The following SIPA1L3 variants were observed in gnomAD, a reference collection of about 807,000 sequenced individuals.
SIPA1L3 encodes signal induced proliferation associated 1 like 3, also known as signal-induced proliferation-associated 1-like protein 3.
In SIPA1L3, 59 loss-of-function variants were observed where a neutral mutation model predicts 150.1. The ratio of observed to expected loss-of-function variants is 0.39; its 90% confidence interval spans 0.32 to 0.49. The LOEUF is 0.49. Ranked by LOEUF, SIPA1L3 falls within the 20% of genes least tolerant of loss-of-function variation. The pLI is 0.86. For missense variants in SIPA1L3, 2,211 were observed against 2,489.5 expected, an observed-to-expected ratio of 0.89 and a Z score of 2.38; for synonymous variants, 1,070 against 1,077.6, an observed-to-expected ratio of 0.99 and a Z score of 0.14.
chr19:38,082,042 C>T lies in SIPA1L3; in HGVS notation c.477C>T (p.Pro159=), dbSNP rs1024109508. The T allele has an allele frequency of 3.1e-6, 5 of 1,613,968 alleles. No homozygotes were observed. The highest frequency in any genetic ancestry group is 2.2e-5 in the East Asian group (1 of 44,878). ...VEFQDGWPRS[P]GRAFLPLRHR... is the part of the protein sequence containing the mutation. ...TCCAGGACGGGTGGCCCCGGTCCCC[C>T]GGCAGGGCCTTCCTCCCCCTTCGGC... The change falls in exon 3 of 22, where the codon CCC becomes CCT. Residue 159 remains proline (P), a synonymous_variant. Transcript: ENST00000222345.
intron 1 of SIPA1L3, among the ~76,000 whole-genome samples, chr19:37,918,490 C>T (rs563089224): frequency 2.0e-5 from 3 of 152,032 alleles, no homozygotes; most frequent in East Asian, 4.0e-4. Flanking sequence ...AATCTCTTGA[C>T]CTTGTGATCC....
chr19:37,923,189 G>A (rs553958899), intron 1 of SIPA1L3, among the ~76,000 whole-genome samples: 3 of 152,194 alleles, frequency 2.0e-5, no homozygotes, highest in Non-Finnish European at 2.9e-5. Flanking sequence ...TGATAAGTGC[G>A]AGGGAGCAGA....
At chr19:38,145,665 C>CCT (rs1464472564) in intron 12 of SIPA1L3, among the ~76,000 whole-genome samples, 2 of 152,146 alleles carry the variant, frequency 1.3e-5, no homozygotes, top group Middle Eastern at 3.4e-3. Flanking sequence ...TGGGTACAGG[C>CCT]CTACAGCTTA....
At chr19:38,041,188 C>T (rs1599943356) in intron 2 of SIPA1L3, among the ~76,000 whole-genome samples, 2 of 148,320 alleles carry the variant, frequency 1.3e-5, no homozygotes, top group Admixed American at 1.4e-4. Context: ...CTCATTGCAA[C>T]CTCCATCTCC....
chr19:38,121,632 G>A lies in SIPA1L3; in HGVS notation c.2868+1750G>A, dbSNP rs534171425. On this transcript the variant is annotated intron_variant, in intron 9 of 21. Coordinates refer to ENST00000222345, the MANE Select transcript of SIPA1L3 (RefSeq NM_015073.3). ...CGGGTGCCTGTAGTCCCAGCTACTC[G>A]GGAGGCTGAGGCAGGAGAATGGCGT... 5.0e-3 allele frequency among the ~76,000 whole-genome samples: 762 copies of A among 152,062 alleles called. 3 individuals carry two copies. Among genetic ancestry groups the A allele is most frequent in the Non-Finnish European group, 8.6e-3 (587 of 67,978 alleles).
At chr19:37,929,100 C>A (rs1300273557) in intron 1 of SIPA1L3, among the ~76,000 whole-genome samples, 1 of 152,202 alleles carries the variant, frequency 6.6e-6, no homozygotes, top group African/African-American at 2.4e-5. Flanking sequence ...TCCCAGATTT[C>A]CCTCATATCT....
At chr19:38,083,213 C>T in intron 3 of SIPA1L3, 114 bp downstream of exon 3, 3 of 1,130,810 alleles carry the variant, frequency 2.7e-6, no homozygotes, top group Non-Finnish European at 3.8e-6. Context: ...GAGGATGTGG[C>T]GGGAACAGAG....
At chr19:38,190,333 C>T (rs1350971693) in intron 16 of SIPA1L3, among the ~76,000 whole-genome samples, 1 of 152,096 alleles carries the variant, frequency 6.6e-6, no homozygotes, top group Non-Finnish European at 1.5e-5. Flanking sequence ...TGGGGGAGTC[C>T]CCTTTTGATT....
intron 1 of SIPA1L3, among the ~76,000 whole-genome samples, chr19:38,005,103 C>T (rs916288822): frequency 2.0e-5 from 3 of 152,110 alleles, no homozygotes; most frequent in African/African-American, 4.8e-5. Context: ...CACCCACCCC[C>T]GGCCAATCAG....
chr19:38,078,388 C>T (rs1178564110), intron 2 of SIPA1L3, among the ~76,000 whole-genome samples: 1 of 151,822 alleles, frequency 6.6e-6, no homozygotes, highest in Admixed American at 6.6e-5. Flanking sequence ...CCAGTGCGCT[C>T]CATAACTGGG....
intron 8 of SIPA1L3, among the ~76,000 whole-genome samples, chr19:38,116,840 C>T (rs982909705): frequency 1.8e-4 from 28 of 152,136 alleles, no homozygotes; most frequent in South Asian, 4.1e-4. Flanking sequence ...GGCGACAGAG[C>T]GAGGCTCCAT....
At position 38,081,837 on chromosome 19, in the gene SIPA1L3, A is replaced by T; in HGVS notation, c.272A>T (p.Glu91Val). Residue 91 changes from glutamate (E) to valine (V), a missense_variant, in exon 3 of 22, where the codon GAG (glutamate) becomes GTG (valine). By Grantham distance (121) the Glu-to-Val change is moderately radical (BLOSUM62 -2). Transcript: ENST00000222345. ...ARVADWPPKR[E>V]ALREHSNPSP... is the part of the protein sequence containing the mutation. ...GTGGCCGACTGGCCGCCCAAGCGGG[A>T]GGCCCTGAGAGAGCACAGCAACCCA... is the stretch of plus-strand genomic sequence containing the variant. The T allele has an allele frequency of 6.2e-7, 1 of 1,613,790 alleles. No homozygotes were observed.
intron 16 of SIPA1L3, chr19:38,184,822 C>T (rs906901720): frequency 6.6e-6 from 1 of 152,208 alleles, no homozygotes; most frequent in African/African-American, 2.4e-5. Flanking sequence ...AACTCAGCAG[C>T]CTCCCCATGC....
chr19:38,176,741 G>A (rs547245817), intron 15 of SIPA1L3, among the ~76,000 whole-genome samples: 2 of 152,250 alleles, frequency 1.3e-5, no homozygotes, highest in African/African-American at 4.8e-5. Context: ...GGAGGTCAAG[G>A]CAGGTGGATC....
At chr19:38,077,557 C>T (rs1969864988) in intron 2 of SIPA1L3, among the ~76,000 whole-genome samples, 1 of 151,780 alleles carries the variant, frequency 6.6e-6, no homozygotes, top group Non-Finnish European at 1.5e-5. Flanking sequence ...TGGGGATAGA[C>T]ACACAGAGGC....
intron 9 of SIPA1L3, among the ~76,000 whole-genome samples, chr19:38,125,986 A>G (rs1239281755): frequency 6.6e-6 from 1 of 152,224 alleles, no homozygotes; most frequent in Non-Finnish European, 1.5e-5. Context: ...ATCCTGGCCA[A>G]CATGGTGAAA....
chr19:37,973,516 T>G, intron 1 of SIPA1L3, among the ~76,000 whole-genome samples: 1 of 115,288 alleles, frequency 8.7e-6, no homozygotes. Context: ...ATTACAGGTG[T>G]GAGCCACTGT....
chr19:37,939,333 G>A (rs551712706), intron 1 of SIPA1L3, among the ~76,000 whole-genome samples: 12 of 150,972 alleles, frequency 7.9e-5, no homozygotes, highest in African/African-American at 2.4e-4. Flanking sequence ...TCCAGGAGGC[G>A]GAGGCTGCAG....
chr19:38,082,338 AG>A lies in SIPA1L3; in HGVS notation c.778del (p.Asp260ThrfsTer46). 6.3e-7 allele frequency: 1 copy of A among 1,598,768 alleles called. No homozygotes were observed. On this transcript the variant is annotated frameshift_variant, in exon 3 of 22. Coordinates refer to ENST00000222345, the MANE Select transcript of SIPA1L3 (RefSeq NM_015073.3). LOFTEE classifies it high-confidence loss of function. ...PHLMGGGGGAKGDSHNGQPAK... is the reference protein window; with the variant it reads ...PHLMGGGGGAXGDSHNGQPAK... ...CTCATGGGGGGCGGCGGCGGAGCCA[AG>A]GGGGACTCCCACAACGGGCAGCCCG...
Sources: allele counts gnomAD v4.1 joint callset (sites outside exome capture counted in the v4.1 genomes callset), GRCh38; gene constraint gnomAD v4.1.1; transcripts MANE v1.5; gene names NCBI Gene and HGNC (gene_info 2026-07-23, HGNC 2026-07-21).